The following CELF2 variants were observed in gnomAD, a reference collection of about 807,000 sequenced individuals.
CELF2 encodes the protein CUGBP Elav-like family member 2.
A neutral mutation model predicts 62.6 loss-of-function variants in CELF2; 8 were observed. The observed-to-expected ratio is 0.13, with a 90% CI of 0.07 to 0.23. The LOEUF is 0.23. CELF2 is among the 10% of genes least tolerant of loss of function. The probability of loss-of-function intolerance (pLI) is 1.00; values close to 1 mark genes in which losing one functional copy is unlikely to be tolerated. For missense variants in CELF2, 333 were observed against 671.0 expected, an observed-to-expected ratio of 0.50 and a Z score of 5.56; for synonymous variants, 258 against 250.0, an observed-to-expected ratio of 1.03 and a Z score of -0.30.
intron 9 of CELF2, among the ~76,000 whole-genome samples, chr10:11,301,724 G>A (rs182131622): frequency 2.6e-5 from 4 of 151,116 alleles, no homozygotes; most frequent in African/African-American, 4.9e-5. Flanking sequence ...GTGGCACCAC[G>A]GCAGCAACTG....
intron 1 of CELF2, among the ~76,000 whole-genome samples, chr10:11,122,404 T>G (rs1478128913): frequency 6.6e-6 from 1 of 152,222 alleles, no homozygotes; most frequent in Admixed American, 6.5e-5. Flanking sequence ...AGAGACATAT[T>G]AAAAAGGCTT....
At chr10:11,129,518 T>G (rs946521732) in intron 1 of CELF2, among the ~76,000 whole-genome samples, 8 of 152,322 alleles carry the variant, frequency 5.3e-5, no homozygotes, top group Non-Finnish European at 1.0e-4. Flanking sequence ...TGGCCTTTTT[T>G]TGGTTGGTAG....
the CELF2 span, among the ~76,000 whole-genome samples, chr10:10,729,623 A>AC: frequency 5.9e-5 from 9 of 152,134 alleles, no homozygotes; most frequent in East Asian, 1.7e-3. Context: ...AAACAAACAA[A>AC]AAAAAATTAG....
intron 1 of CELF2, among the ~76,000 whole-genome samples, chr10:11,056,094 A>G (rs1196487465): frequency 2.0e-5 from 3 of 152,266 alleles, no homozygotes; most frequent in African/African-American, 4.8e-5. Context: ...GAGCCCATGT[A>G]TAGATAAACC....
intron 2 of CELF2, among the ~76,000 whole-genome samples, chr10:10,969,184 G>C (rs1367765141): frequency 6.6e-6 from 1 of 152,182 alleles, no homozygotes; most frequent in African/African-American, 2.4e-5. Flanking sequence ...TTGAACCTGG[G>C]AGGCGGCGGT....
At chr10:10,595,845 G>C in the CELF2 span, among the ~76,000 whole-genome samples, 1 of 152,222 alleles carries the variant, frequency 6.6e-6, no homozygotes, top group South Asian at 2.1e-4. Context: ...GCAGTGAGGT[G>C]AGATGGCGCC....
At chr10:10,532,202 T>G in the CELF2 span, among the ~76,000 whole-genome samples, 1 of 152,270 alleles carries the variant, frequency 6.6e-6, no homozygotes, top group Non-Finnish European at 1.5e-5. Flanking sequence ...ACAAAATTCA[T>G]TTGACGCTAC....
At chr10:10,487,729 T>A in the CELF2 span, among the ~76,000 whole-genome samples, 1 of 152,132 alleles carries the variant, frequency 6.6e-6, no homozygotes, top group Non-Finnish European at 1.5e-5. Context: ...AAATAATATA[T>A]CCACATTTAT....
intron 1 of CELF2, among the ~76,000 whole-genome samples, chr10:10,863,418 C>T (rs769861927): frequency 6.6e-6 from 1 of 152,122 alleles, no homozygotes; most frequent in Non-Finnish European, 1.5e-5. Context: ...AAAACATTGA[C>T]ATTTCAAGTT....
At position 11,331,814 on chromosome 10, in the gene CELF2, A is replaced by AC. The variant is rs2096028044; in HGVS notation, c.*2763dup. On this transcript the variant is annotated 3_prime_UTR_variant, in exon 13 of 13. Coordinates refer to ENST00000633077, the MANE Select transcript of CELF2 (RefSeq NM_001326342.2). ...TGTATTTTCTTCATAATCTATGGAAACCTCTAAGGTGAGAAAGTTTTGAAC... is the reference window on the plus strand; with the variant it reads ...TGTATTTTCTTCATAATCTATGGAAACCCTCTAAGGTGAGAAAGTTTTGAAC... 6.6e-6 allele frequency: 1 copy of AC among 152,590 alleles called. No individual in the cohort carries two copies. The highest frequency in any genetic ancestry group is 2.4e-5 in the African/African-American group (1 of 41,424). 9.5% of individuals were successfully genotyped at this position (152,590 alleles called of 1,614,324 possible). A position where few individuals can be genotyped will look rare whatever the true frequency, so the allele number is the denominator to read the frequency against.
intron 1 of CELF2, among the ~76,000 whole-genome samples, chr10:10,893,240 A>G (rs946537721): frequency 1.3e-5 from 2 of 152,200 alleles, no homozygotes; most frequent in African/African-American, 2.4e-5. Flanking sequence ...TACTCAGTCA[A>G]GGCCACACAG....
At chr10:10,992,581 G>A (rs529967999) in intron 2 of CELF2, among the ~76,000 whole-genome samples, 1 of 152,164 alleles carries the variant, frequency 6.6e-6, no homozygotes, top group Non-Finnish European at 1.5e-5. Context: ...TATAATAAAT[G>A]ATACAAGAGA....
chr10:10,765,364 C>T, the CELF2 span, among the ~76,000 whole-genome samples: 10 of 152,244 alleles, frequency 6.6e-5, no homozygotes, highest in South Asian at 2.1e-4. Context: ...GTTCTGTCTG[C>T]GGGAAGCTGG....
chr10:11,204,825 C>T (rs1023030023), intron 2 of CELF2, among the ~76,000 whole-genome samples: 1 of 152,230 alleles, frequency 6.6e-6, no homozygotes, highest in Admixed American at 6.5e-5. Flanking sequence ...ATCACGTCTT[C>T]TTGTGAAGCC....
intron 2 of CELF2, among the ~76,000 whole-genome samples, chr10:11,189,049 G>C (rs148822455): frequency 6.6e-6 from 1 of 152,104 alleles, no homozygotes. Flanking sequence ...TTGAGTCCTT[G>C]TCTGCTAATT....
At chr10:11,073,605 C>G (rs774623010) in intron 1 of CELF2, among the ~76,000 whole-genome samples, 1 of 152,286 alleles carries the variant, frequency 6.6e-6, no homozygotes, top group South Asian at 2.1e-4. Context: ...TGTGTGGACT[C>G]TGGTTTCAAG....
chr10:11,051,283 C>T (rs889657144), intron 1 of CELF2, among the ~76,000 whole-genome samples: 10 of 152,264 alleles, frequency 6.6e-5, no homozygotes, highest in Non-Finnish European at 1.3e-4. Context: ...ATCTTGAAAA[C>T]ATCTTTTACT....
At chr10:10,832,326 T>C (rs967940724) in intron 1 of CELF2, among the ~76,000 whole-genome samples, 2 of 151,444 alleles carry the variant, frequency 1.3e-5, no homozygotes, top group Non-Finnish European at 3.0e-5. Flanking sequence ...AGAAGAACAA[T>C]TTGGAGAACT....
chr10:11,037,536 A>G lies in CELF2; in HGVS notation c.74+19373A>G, dbSNP rs528818570. Among the ~76,000 whole-genome samples, 8 of 152,300 alleles carry G rather than the reference A, an allele frequency of 5.3e-5. No homozygotes were observed. The South Asian group carries it at 8.3e-4, about 16-fold the overall frequency. ...CAGTAGCCTGGGCTTTGAGTCAGCC[A>G]TGGTAGATAGTGGAGTCTATCTGCT... On this transcript the variant is annotated intron_variant, in intron 1 of 12. Transcript: ENST00000633077.
Sources: allele counts gnomAD v4.1 joint callset (sites outside exome capture counted in the v4.1 genomes callset), GRCh38; gene constraint gnomAD v4.1.1; transcripts MANE v1.5; gene names NCBI Gene and HGNC (gene_info 2026-07-23, HGNC 2026-07-21).